The following DIP2C variants were observed in gnomAD, a reference collection of about 807,000 sequenced individuals.
The protein encoded by DIP2C is disco-interacting protein 2 homolog C.
DIP2C carries 33 observed loss-of-function variants against 192.4 expected under a neutral mutation model. The observed-to-expected ratio is 0.17, with a 90% CI of 0.13 to 0.23. DIP2C has a LOEUF of 0.23. Among genes scored for constraint, DIP2C ranks in the 10% least tolerant of loss-of-function variants. DIP2C has a pLI of 1.00. For missense variants in DIP2C, 1,537 were observed against 2,110.1 expected (o/e 0.73, Z 5.32); for synonymous variants, 979 against 864.1 (o/e 1.13, Z -2.33).
chr10:509,575 G>T (rs989435279), intron 1 of DIP2C, among the ~76,000 whole-genome samples: 5 of 152,186 alleles, frequency 3.3e-5, no homozygotes, highest in Admixed American at 6.5e-5. Context: ...GACTCTGTGC[G>T]GTAAGGGCTG....
intron 31 of DIP2C, among the ~76,000 whole-genome samples, chr10:326,686 A>T (rs1223411346): frequency 6.6e-6 from 1 of 152,356 alleles, no homozygotes; most frequent in East Asian, 1.9e-4. Context: ...ACTTCGAGGG[A>T]CTGGTTTCTT....
intron 1 of DIP2C, among the ~76,000 whole-genome samples, chr10:548,898 A>T (rs1288271784): frequency 7.1e-6 from 1 of 141,754 alleles, no homozygotes; most frequent in Non-Finnish European, 1.5e-5. Context: ...TTGCAGGAAA[A>T]AATAGCAGCT....
chr10:378,884 AACACAGACATGCATAAAGACACGG>A (rs2132859314), intron 17 of DIP2C, among the ~76,000 whole-genome samples: 1 of 152,326 alleles, frequency 6.6e-6, no homozygotes, highest in South Asian at 2.1e-4. Flanking sequence ...GACACACGTG[AACACAGACATGCATAAAGACACGG>A]ACACAGACAT....
intron 1 of DIP2C, among the ~76,000 whole-genome samples, chr10:577,840 C>T (rs143563364): frequency 6.7e-6 from 1 of 149,006 alleles, no homozygotes; most frequent in Non-Finnish European, 1.5e-5. Context: ...TTTTTTTAAC[C>T]ACAAAAGAAG....
At position 503,495 on chromosome 10, in the gene DIP2C, A is replaced by G. The variant is rs186246921; in HGVS notation, c.86-16965T>C. ...TACAAGGGAGAAACAAATGGAACCA[A>G]GGGCTACAAAGATGTATCTTAAAGC... On this transcript the variant is annotated intron_variant, in intron 1 of 36. Coordinates refer to ENST00000280886, the MANE Select transcript of DIP2C (RefSeq NM_014974.3). Among the ~76,000 whole-genome samples the G allele has an allele frequency of 2.0e-5, 3 of 152,364 alleles. No homozygotes were observed. In the East Asian group the frequency reaches 5.8e-4, roughly 29 times the overall value.
At chr10:522,614 G>A (rs1005266626) in intron 1 of DIP2C, among the ~76,000 whole-genome samples, 2 of 152,236 alleles carry the variant, frequency 1.3e-5, no homozygotes, top group Non-Finnish European at 2.9e-5. Context: ...GTGGCGCCTC[G>A]CCCTACGACA....
At chr10:660,790 T>C (rs1021698254) in intron 1 of DIP2C, among the ~76,000 whole-genome samples, 1 of 152,152 alleles carries the variant, frequency 6.6e-6, no homozygotes, top group Admixed American at 6.5e-5. Context: ...ATACTAAGAA[T>C]AGCCACCGCA....
At chr10:390,204 A>AAC (rs1306890045) in intron 12 of DIP2C, 60 bp downstream of exon 12, 1 of 1,596,104 alleles carries the variant, frequency 6.3e-7, no homozygotes, top group African/African-American at 1.3e-5. Context: ...AACCGTCAGA[A>AAC]ACACACGTTA....
intron 29 of DIP2C, among the ~76,000 whole-genome samples, chr10:336,066 TA>T (rs769339224): frequency 4.0e-5 from 6 of 149,120 alleles, no homozygotes; most frequent in Non-Finnish European, 7.5e-5. Flanking sequence ...CCCGGCTAAC[TA>T]AAAAAAAAAT....
Position 336,640 on chromosome 10 carries a change from TATAAAAAAGAAA to T in DIP2C, c.3584+4547_3584+4558del, listed in dbSNP as rs199829178. ...TGTTATTTTACAGCATCCTCCTACTTATAAAAAAGAAAGTAAATTGTAAAACAGCCTCAGTGG... is the reference window on the plus strand; with the variant it reads ...TGTTATTTTACAGCATCCTCCTACTTGTAAATTGTAAAACAGCCTCAGTGG... On this transcript the variant is annotated intron_variant, in intron 29 of 36. Coordinates refer to ENST00000280886, the MANE Select transcript of DIP2C (RefSeq NM_014974.3). Among the ~76,000 whole-genome samples, 113 of 152,344 alleles carry T rather than the reference TATAAAAAAGAAA, an allele frequency of 7.4e-4. 2 individuals carry two copies. In the East Asian group the frequency reaches 0.02, roughly 27 times the overall value.
intron 1 of DIP2C, among the ~76,000 whole-genome samples, chr10:655,739 A>G (rs1340668320): frequency 2.5e-5 from 2 of 80,508 alleles, no homozygotes; most frequent in East Asian, 7.3e-4. Flanking sequence ...TAGACTATGT[A>G]ATACTACTTG....
chr10:525,044 C>T (rs1846971866), intron 1 of DIP2C, among the ~76,000 whole-genome samples: 1 of 149,004 alleles, frequency 6.7e-6, no homozygotes, highest in African/African-American at 2.5e-5. Context: ...AAGGGTTCAA[C>T]TTACATTTAA....
At chr10:337,927 A>G (rs61837314) in intron 29 of DIP2C, among the ~76,000 whole-genome samples, 5 of 117,202 alleles carry the variant, frequency 4.3e-5, no homozygotes, top group Non-Finnish European at 6.9e-5. Context: ...GCTGATGTGT[A>G]TGTGTGTGCT....
chr10:380,430 C>T (rs1363514965), intron 17 of DIP2C, among the ~76,000 whole-genome samples: 1 of 150,220 alleles, frequency 6.7e-6, no homozygotes, highest in African/African-American at 2.4e-5. Context: ...TGATGTTTAA[C>T]ACGCAGAAGA....
intron 1 of DIP2C, among the ~76,000 whole-genome samples, chr10:586,543 G>GAGGCTGTGCTCGGA (rs1415908492): frequency 6.6e-5 from 10 of 152,188 alleles, no homozygotes; most frequent in Admixed American, 2.6e-4. Context: ...CCTCCTCCGG[G>GAGGCTGTGCTCGGA]AGGCTGTGCT....
intron 1 of DIP2C, among the ~76,000 whole-genome samples, chr10:557,190 C>G (rs1233255151): frequency 6.6e-6 from 1 of 152,224 alleles, no homozygotes. Context: ...GGCAGCCCCA[C>G]AGAGGGACCG....
At chr10:532,482 A>G (rs958456444) in intron 1 of DIP2C, among the ~76,000 whole-genome samples, 1 of 152,160 alleles carries the variant, frequency 6.6e-6, no homozygotes, top group Non-Finnish European at 1.5e-5. Context: ...TCCACTGAGA[A>G]GACCTCGTTT....
At chr10:465,950 A>G (rs1970165241) in intron 3 of DIP2C, among the ~76,000 whole-genome samples, 1 of 152,308 alleles carries the variant, frequency 6.6e-6, no homozygotes, top group Admixed American at 6.5e-5. Context: ...TATCGTGAAA[A>G]TGGCCATACT....
At chr10:459,162 TCA>T (rs746944872) in intron 3 of DIP2C, among the ~76,000 whole-genome samples, 82 of 152,254 alleles carry the variant, frequency 5.4e-4, no homozygotes, top group African/African-American at 1.8e-3. Context: ...AAACAAGATG[TCA>T]CAGTCACAGA....
Sources: gnomAD v4.1 joint callset for allele counts (sites outside exome capture counted in the v4.1 genomes callset) on GRCh38, gnomAD v4.1.1 for gene constraint, MANE v1.5 for transcripts, NCBI Gene and HGNC (gene_info 2026-07-23, HGNC 2026-07-21) for gene names.